DPYD: variants seen among roughly 807,000 people sequenced by gnomAD.
The protein encoded by DPYD is dihydropyrimidine dehydrogenase, also known as dihydropyrimidine dehydrogenase [NADP(+)].
In DPYD, 109 loss-of-function variants were observed where a neutral mutation model predicts 116.2. The observed-to-expected ratio is 0.94, with a 90% CI of 0.80 to 1.10. DPYD has a LOEUF of 1.10. Among genes scored for constraint, DPYD ranks in the 50% least tolerant of loss-of-function variants. DPYD has a pLI of 0.00. For synonymous variants in DPYD, 440 were observed against 432.0 expected, an observed-to-expected ratio of 1.02 and a Z score of -0.23; for missense variants, 1,302 against 1,254.5, an observed-to-expected ratio of 1.04 and a Z score of -0.57.
rs116566328 is a variant in DPYD, at chr1:97,826,980, T to C, written c.233+1134A>G. Among the ~76,000 whole-genome samples the C allele has an allele frequency of 5.7e-3, 866 of 152,258 alleles. 14 individuals carry two copies. The highest frequency in any genetic ancestry group is 0.02 in the African/African-American group (817 of 41,572). ...CCATGTATCTTTGTGTAGAAGCTAC[T>C]GTTTCCATTAAATTTAATTACCTCC... is the stretch of plus-strand genomic sequence containing the variant. On this transcript the variant is annotated intron_variant, in intron 3 of 22. Coordinates refer to ENST00000370192, the MANE Select transcript of DPYD (RefSeq NM_000110.4).
intron 5 of DPYD, among the ~76,000 whole-genome samples, chr1:97,711,380 T>G (rs915106506): frequency 6.6e-6 from 1 of 151,950 alleles, no homozygotes; most frequent in South Asian, 2.1e-4. Flanking sequence ...TGTTATAAGA[T>G]AAAGTACTGA....
intron 1 of DPYD, among the ~76,000 whole-genome samples, chr1:97,906,729 C>T (rs1490531651): frequency 6.6e-6 from 1 of 152,070 alleles, no homozygotes; most frequent in East Asian, 1.9e-4. Context: ...TTCTCATGAA[C>T]TGTAACTTTT....
intron 14 of DPYD, among the ~76,000 whole-genome samples, chr1:97,409,606 T>C (rs1309939246): frequency 2.6e-5 from 4 of 152,220 alleles, no homozygotes; most frequent in African/African-American, 9.6e-5. Flanking sequence ...ACTATGTCTA[T>C]CCTATTACCT....
chr1:97,537,235 T>C (rs1250745161), intron 12 of DPYD, among the ~76,000 whole-genome samples: 2 of 152,228 alleles, frequency 1.3e-5, no homozygotes, highest in African/African-American at 2.4e-5. Context: ...GGCAGAGTTA[T>C]TACCATTCTT....
At chr1:97,092,047 G>C (rs1649928661) in intron 21 of DPYD, among the ~76,000 whole-genome samples, 1 of 152,072 alleles carries the variant, frequency 6.6e-6, no homozygotes, top group Admixed American at 6.6e-5. Context: ...TTAGGTGTTT[G>C]CCCATATGCC....
At chr1:97,338,050 A>G (rs943981547) in intron 16 of DPYD, among the ~76,000 whole-genome samples, 3 of 152,132 alleles carry the variant, frequency 2.0e-5, no homozygotes, top group Non-Finnish European at 4.4e-5. Context: ...TGTTTGCTAA[A>G]TGTGTCTGTT....
chr1:97,786,221 G>A (rs1275614724), intron 3 of DPYD, among the ~76,000 whole-genome samples: 1 of 152,082 alleles, frequency 6.6e-6, no homozygotes, highest in Non-Finnish European at 1.5e-5. Flanking sequence ...TCTTTTACAT[G>A]TTTATTATTA....
rs549267544 is a variant in DPYD at position 97,475,978 on chromosome 1, C to A, written c.1741-25755G>T. On this transcript the variant is annotated intron_variant, in intron 13 of 22. Transcript: ENST00000370192. The stretch of plus-strand genomic sequence containing the variant: ...ATCTATAACTAAGGAGATACAGTTA[C>A]ATCAGAAAATTAAAGCTAGATTCCT... Among the ~76,000 whole-genome samples, 5 of 152,176 alleles carry A rather than the reference C, an allele frequency of 3.3e-5. No homozygotes were observed. In the South Asian group the frequency reaches 1.0e-3, roughly 31 times the overall value.
chr1:97,287,317 G>C (rs1441401303), intron 18 of DPYD, among the ~76,000 whole-genome samples: 1 of 152,282 alleles, frequency 6.6e-6, no homozygotes, highest in Non-Finnish European at 1.5e-5. Context: ...CCGGCTGTGT[G>C]AGCAGTCAGT....
chr1:97,895,371 T>G (rs141970963), intron 1 of DPYD, among the ~76,000 whole-genome samples: 1 of 151,852 alleles, frequency 6.6e-6, no homozygotes, highest in Non-Finnish European at 1.5e-5. Context: ...AAAACAGGAC[T>G]TCAAGGGAAA....
chr1:97,533,703 T>C (rs1203682750), intron 12 of DPYD, among the ~76,000 whole-genome samples: 1 of 152,168 alleles, frequency 6.6e-6, no homozygotes, highest in Non-Finnish European at 1.5e-5. Context: ...AAATTGTAAG[T>C]CAACAACATA....
chr1:97,560,920 G>T (rs762329387), intron 11 of DPYD, among the ~76,000 whole-genome samples: 1 of 152,048 alleles, frequency 6.6e-6, no homozygotes, highest in Non-Finnish European at 1.5e-5. Flanking sequence ...TCCAAGAAGC[G>T]GGAACAGTGG....
At chr1:97,345,114 C>T (rs978452250) in intron 16 of DPYD, among the ~76,000 whole-genome samples, 1 of 151,852 alleles carries the variant, frequency 6.6e-6, no homozygotes, top group African/African-American at 2.4e-5. Flanking sequence ...GGTAATTTTG[C>T]TTCTTTAAAT....
chr1:97,316,252 G>A (rs187354407), intron 16 of DPYD, among the ~76,000 whole-genome samples: 1 of 151,678 alleles, frequency 6.6e-6, no homozygotes, highest in East Asian at 2.0e-4. Context: ...CACTTTGGAA[G>A]ACTGAGGAGG....
At chr1:97,459,383 T>C (rs951244359) in intron 13 of DPYD, among the ~76,000 whole-genome samples, 1 of 152,120 alleles carries the variant, frequency 6.6e-6, no homozygotes, top group Admixed American at 6.5e-5. Context: ...TCCAAAGATA[T>C]TGTCAGGGGT....
At chr1:97,669,832 T>G (rs1659761507) in intron 8 of DPYD, among the ~76,000 whole-genome samples, 1 of 152,298 alleles carries the variant, frequency 6.6e-6, no homozygotes, top group South Asian at 2.1e-4. Context: ...ATGCCTAGTT[T>G]CCTCCAACTT....
chr1:97,430,795 C>T (rs570159439), intron 14 of DPYD, among the ~76,000 whole-genome samples: 66 of 152,202 alleles, frequency 4.3e-4, no homozygotes, highest in African/African-American at 1.5e-3. Context: ...TTATCCTTCC[C>T]CAACATCTGA....
chr1:97,682,888 T>G (rs1184389313), intron 7 of DPYD, among the ~76,000 whole-genome samples: 1 of 152,112 alleles, frequency 6.6e-6, no homozygotes, highest in East Asian at 1.9e-4. Context: ...AAGTTCAGTG[T>G]AATAGTCACT....
intron 1 of DPYD, among the ~76,000 whole-genome samples, chr1:97,907,862 C>T (rs1167550050): frequency 3.9e-5 from 6 of 151,932 alleles, no homozygotes; most frequent in Non-Finnish European, 8.8e-5. Flanking sequence ...AATTTACTGC[C>T]TCACTCATTC....
Sources: allele counts gnomAD v4.1 joint callset (sites outside exome capture counted in the v4.1 genomes callset), GRCh38; gene constraint gnomAD v4.1.1; transcripts MANE v1.5; gene names NCBI Gene and HGNC (gene_info 2026-07-23, HGNC 2026-07-21).